The following NLGN1 variants were observed in gnomAD, a reference collection of about 807,000 sequenced individuals.
NLGN1 encodes neuroligin-1.
NLGN1 carries 12 observed loss-of-function variants against 65.5 expected under a neutral mutation model. That is an observed-to-expected ratio of 0.18 (90% CI 0.12 to 0.30). NLGN1 has a LOEUF of 0.30. Ranked by LOEUF, NLGN1 falls within the 10% of genes least tolerant of loss-of-function variation. The pLI, the probability that NLGN1 is intolerant of heterozygous loss-of-function variation, is 1.00. For missense variants in NLGN1, 750 were observed against 1,007.1 expected (o/e 0.74, Z 3.46); for synonymous variants, 350 against 359.5 (o/e 0.97, Z 0.30).
intron 3 of NLGN1, among the ~76,000 whole-genome samples, chr3:173,685,211 A>G (rs980336639): frequency 6.6e-6 from 1 of 152,194 alleles, no homozygotes. Context: ...GTTGCTCCCA[A>G]TATTACAATA....
chr3:173,881,895 A>G (rs1207590116), intron 4 of NLGN1, among the ~76,000 whole-genome samples: 1 of 152,162 alleles, frequency 6.6e-6, no homozygotes, highest in Non-Finnish European at 1.5e-5. Context: ...CCTTTCTAGA[A>G]GGTTTTTAAT....
chr3:174,045,363 G>A (rs1038481042), intron 4 of NLGN1, among the ~76,000 whole-genome samples: 4 of 152,036 alleles, frequency 2.6e-5, no homozygotes, highest in East Asian at 1.9e-4. Flanking sequence ...AAGAATGAGC[G>A]AAGAGGGGAA....
chr3:173,936,362 T>A (rs1745079276), intron 4 of NLGN1, among the ~76,000 whole-genome samples: 1 of 152,016 alleles, frequency 6.6e-6, no homozygotes, highest in Non-Finnish European at 1.5e-5. Flanking sequence ...TAATTTGCAT[T>A]ATTCCAGATC....
chr3:173,889,236 T>A (rs751413361), intron 4 of NLGN1, among the ~76,000 whole-genome samples: 9 of 152,216 alleles, frequency 5.9e-5, no homozygotes, highest in Admixed American at 2.0e-4. Context: ...TAAGCATAAT[T>A]TTCAGAGCTG....
At chr3:173,496,842 A>AT (rs1730108932) in intron 2 of NLGN1, among the ~76,000 whole-genome samples, 1 of 151,832 alleles carries the variant, frequency 6.6e-6, no homozygotes, top group South Asian at 2.1e-4. Flanking sequence ...ATATTTACTA[A>AT]ATTCCTTTTT....
At chr3:173,476,650 A>G (rs925220334) in intron 2 of NLGN1, among the ~76,000 whole-genome samples, 1 of 152,184 alleles carries the variant, frequency 6.6e-6, no homozygotes, top group Non-Finnish European at 1.5e-5. Context: ...GTGCTACACT[A>G]AGGAATCTGC....
At chr3:173,620,039 C>T (rs963015959) in intron 3 of NLGN1, among the ~76,000 whole-genome samples, 3 of 152,054 alleles carry the variant, frequency 2.0e-5, no homozygotes, top group East Asian at 1.9e-4. Context: ...CAGATGTCTC[C>T]GGAGCTTGGA....
chr3:174,135,428 G>A (rs1721032568), intron 4 of NLGN1, among the ~76,000 whole-genome samples: 1 of 152,262 alleles, frequency 6.6e-6, no homozygotes, highest in Middle Eastern at 3.4e-3. Flanking sequence ...AGCAGTAGTT[G>A]TCTAGAGAAT....
intron 3 of NLGN1, among the ~76,000 whole-genome samples, chr3:173,775,100 C>T (rs2150287778): frequency 6.6e-6 from 1 of 152,114 alleles, no homozygotes; most frequent in African/African-American, 2.4e-5. Flanking sequence ...TAGTTTCTTT[C>T]TCATCAAAAT....
At chr3:173,582,306 G>A (rs1012129249) in intron 2 of NLGN1, among the ~76,000 whole-genome samples, 4 of 151,852 alleles carry the variant, frequency 2.6e-5, no homozygotes, top group East Asian at 1.9e-4. Flanking sequence ...CTCTCCTACT[G>A]TTTTTTTCTC....
At chr3:173,582,491 T>C (rs547471508) in intron 2 of NLGN1, among the ~76,000 whole-genome samples, 1 of 152,208 alleles carries the variant, frequency 6.6e-6, no homozygotes, top group East Asian at 1.9e-4. Flanking sequence ...TTTCTGCCAA[T>C]TTCATGACTG....
At chr3:174,272,078 A>ACTT (rs796629034) in intron 4 of NLGN1, among the ~76,000 whole-genome samples, 115 of 151,778 alleles carry the variant, frequency 7.6e-4, no homozygotes, top group African/African-American at 2.7e-3. Context: ...CATCCCAGGA[A>ACTT]CTTAAAATGA....
At chr3:173,768,189 T>TG (rs1476054592) in intron 3 of NLGN1, among the ~76,000 whole-genome samples, 2 of 152,130 alleles carry the variant, frequency 1.3e-5, no homozygotes, top group Non-Finnish European at 2.9e-5. Flanking sequence ...TACCTGAGTT[T>TG]GGGGGGAAAA....
chr3:173,645,903 G>C (rs919388687), intron 3 of NLGN1, among the ~76,000 whole-genome samples: 1 of 152,206 alleles, frequency 6.6e-6, no homozygotes. Flanking sequence ...CAGTGAGGAA[G>C]ATTCTTTGAG....
intron 4 of NLGN1, among the ~76,000 whole-genome samples, chr3:174,267,431 T>C (rs1230553246): frequency 6.6e-6 from 1 of 152,128 alleles, no homozygotes; most frequent in Non-Finnish European, 1.5e-5. Flanking sequence ...GAAACAGATA[T>C]CCAAACTATA....
At chr3:174,093,696 T>C (rs975400584) in intron 4 of NLGN1, among the ~76,000 whole-genome samples, 8 of 152,220 alleles carry the variant, frequency 5.3e-5, no homozygotes, top group African/African-American at 1.7e-4. Flanking sequence ...ATAATTAAAT[T>C]GTTCACACCA....
intron 4 of NLGN1, among the ~76,000 whole-genome samples, chr3:174,128,030 C>T (rs906838526): frequency 2.6e-5 from 4 of 152,074 alleles, no homozygotes; most frequent in Non-Finnish European, 5.9e-5. Context: ...TACAAAAGTG[C>T]CCATCTCTCA....
chr3:174,058,571 ATAAG>A (rs1049806395), intron 4 of NLGN1, among the ~76,000 whole-genome samples: 45 of 152,140 alleles, frequency 3.0e-4, no homozygotes, highest in Admixed American at 2.8e-3. Flanking sequence ...TGAAAAGTTC[ATAAG>A]TAAGTAGATG....
chr3:173,727,981 G>A (rs948299925), intron 3 of NLGN1, among the ~76,000 whole-genome samples: 10 of 152,088 alleles, frequency 6.6e-5, no homozygotes, highest in East Asian at 1.9e-4. Flanking sequence ...TCTGAAGAAC[G>A]TAGATTCTAC....
Sources: gnomAD v4.1 joint callset for allele counts (sites outside exome capture counted in the v4.1 genomes callset) on GRCh38, gnomAD v4.1.1 for gene constraint, MANE v1.5 for transcripts, NCBI Gene and HGNC (gene_info 2026-07-23, HGNC 2026-07-21) for gene names.